TMEM131L: variants seen among roughly 807,000 people sequenced by gnomAD.
TMEM131L encodes transmembrane 131 like.
In TMEM131L, 54 loss-of-function variants were observed where a neutral mutation model predicts 192.2. The observed-to-expected ratio is 0.28, with a 90% confidence interval of 0.23 to 0.35. The LOEUF is 0.35. TMEM131L is among the 10% of genes least tolerant of loss of function. TMEM131L has a pLI of 1.00. For synonymous variants in TMEM131L, 701 were observed against 704.9 expected (o/e 0.99, Z 0.09); for missense variants, 1,888 against 1,972.9 (o/e 0.96, Z 0.82).
At chr4:153,466,542 C>T (rs1730757064) in intron 1 of TMEM131L, 21 bp downstream of exon 1, 3 of 1,307,542 alleles carry the variant, frequency 2.3e-6, no homozygotes, top group African/African-American at 1.5e-5. Context: ...CGCCGCTGGG[C>T]TCGCTCTGCC....
chr4:153,581,061 G>T (rs905874927), intron 8 of TMEM131L, among the ~76,000 whole-genome samples, 158 bp downstream of exon 8: 3 of 152,164 alleles, frequency 2.0e-5, no homozygotes, highest in African/African-American at 4.8e-5. Flanking sequence ...AGACCATCCT[G>T]GCTAACACGG....
intron 2 of TMEM131L, 117 bp from the exon 3 acceptor site, chr4:153,473,728 G>T: frequency 1.4e-6 from 1 of 718,040 alleles, no homozygotes; most frequent in East Asian, 3.3e-5. Flanking sequence ...GGAGGCGGAG[G>T]TTGCAGTGAG....
rs1200432395 is a variant in TMEM131L at position 153,612,290 on chromosome 4, C to A, written c.3457C>A (p.His1153Asn). The A allele has an allele frequency of 6.3e-7, 1 of 1,588,252 alleles. No homozygotes were observed. The highest frequency in any genetic ancestry group is 8.5e-7 in the Non-Finnish European group (1 of 1,171,324). Residue 1153 changes from histidine (H) to asparagine (N), a missense_variant, in exon 26 of 35, where the codon CAT becomes AAT. By Grantham distance (68) the His-to-Asn change is moderately conservative. Transcript: ENST00000409959. ...AGTACCTGTCAAGAATGAAGTAGAT[C>A]ATTGTGAAAATTTGAAGAAGGTGGA... The part of the protein sequence containing the change: ...QQVPVKNEVD[H>N]CENLKKVDTK...
intron 20 of TMEM131L, 23 bp downstream of exon 20, chr4:153,596,408 A>T (rs1731444310): frequency 6.2e-7 from 1 of 1,611,306 alleles, no homozygotes; most frequent in Non-Finnish European, 8.5e-7. Flanking sequence ...CTGTTGTAGA[A>T]TCTGTTTCTT....
At position 153,622,783 on chromosome 4, in the gene TMEM131L, G is replaced by C. The variant is rs1445362346; in HGVS notation, c.3860-115G>C. 9 of 936,674 alleles carry C rather than the reference G, an allele frequency of 9.6e-6. No homozygotes were observed. In the Admixed American group the frequency reaches 1.7e-4, roughly 18 times the overall value. The allele number at this position is 936,674 out of a possible 1,614,324, so 58.0% of individuals were successfully genotyped here. Reference sequence around the variant, plus strand: ...CTCCTCCTTTCTTGCTAGATGAGCAGAGGTAGCTGAAGGTGAACCTGGCCC... The same window carrying C: ...CTCCTCCTTTCTTGCTAGATGAGCACAGGTAGCTGAAGGTGAACCTGGCCC... On this transcript the variant is annotated intron_variant, in intron 28 of 34. Transcript: ENST00000409959.
chr4:153,528,136 T>A (rs1025100510), intron 3 of TMEM131L, among the ~76,000 whole-genome samples: 4 of 152,214 alleles, frequency 2.6e-5, no homozygotes, highest in African/African-American at 7.2e-5. Context: ...TTTGAAAGCC[T>A]CAGTTTACTT....
chr4:153,490,776 A>G (rs1732716797), intron 3 of TMEM131L, among the ~76,000 whole-genome samples: 2 of 152,046 alleles, frequency 1.3e-5, no homozygotes, highest in African/African-American at 4.8e-5. Flanking sequence ...TAACATGGTG[A>G]AACCCCATCT....
rs1347265944 is a variant in TMEM131L at position 153,508,667 on chromosome 4, G to GT, written c.239+34788dup. 7.7e-4 allele frequency among the ~76,000 whole-genome samples: 113 copies of GT among 147,040 alleles called. 1 individual carries two copies. The highest frequency in any genetic ancestry group is 1.6e-3 in the African/African-American group (64 of 40,044). On this transcript the variant is annotated intron_variant, in intron 3 of 34. Transcript: ENST00000409959. ...CTTGAATTGAGAGATGTGATTTAAT[G>GT]TTTTTTTTTAATTTTTTTTTTTTTT...
chr4:153,502,578 A>G (rs780692001), intron 3 of TMEM131L, among the ~76,000 whole-genome samples: 1 of 152,242 alleles, frequency 6.6e-6, no homozygotes, highest in South Asian at 2.1e-4. Context: ...AAGCTTTTCA[A>G]ATGGCTGAAT....
chr4:153,592,435 G>A (rs778982205), intron 17 of TMEM131L, 40 bp from the exon 18 acceptor site: 32 of 1,344,742 alleles, frequency 2.4e-5, no homozygotes, highest in Non-Finnish European at 3.2e-5. Flanking sequence ...GGGATGCTGT[G>A]TCCCTCTCGG....
In TMEM131L at chr4:153,626,424, G is replaced by A. The variant is rs544989227; in HGVS notation, c.4124+199G>A. Among the ~76,000 whole-genome samples, 8 of 152,256 alleles carry A rather than the reference G, an allele frequency of 5.3e-5. No homozygotes were observed. In the South Asian group the frequency reaches 1.2e-3, roughly 24 times the overall value. On this transcript the variant is annotated intron_variant, in intron 30 of 34. Transcript: ENST00000409959. ...TTCATGTGGGAGAGGCTCAGGTATC[G>A]CTATTTTTTTTCAGACAGGTAGCCA...
At chr4:153,633,320 G>A (rs11726242) in intron 32 of TMEM131L, 75,216 of 152,486 alleles carry the variant, frequency 0.49, 20,795 homozygotes, top group Non-Finnish European at 0.59. Flanking sequence ...GGGTTCAAGC[G>A]GTTCTCCTGC....
chr4:153,549,023 G>C (rs986181910), intron 3 of TMEM131L, among the ~76,000 whole-genome samples: 1 of 152,146 alleles, frequency 6.6e-6, no homozygotes, highest in African/African-American at 2.4e-5. Context: ...GGAGTGCAGT[G>C]ATGCTATCAT....
At chr4:153,479,832 T>C (rs1003166839) in intron 3 of TMEM131L, among the ~76,000 whole-genome samples, 1 of 152,216 alleles carries the variant, frequency 6.6e-6, no homozygotes, top group Non-Finnish European at 1.5e-5. Context: ...ACTTAATCTT[T>C]GGGGACACTC....
chr4:153,634,318 A>T (rs1734425557), intron 33 of TMEM131L, 38 bp downstream of exon 33: 1 of 1,502,244 alleles, frequency 6.7e-7, no homozygotes, highest in Non-Finnish European at 9.3e-7. Context: ...CCATTATTTT[A>T]TTCTTAGAAG....
chr4:153,578,863 G>A (rs912681384), intron 7 of TMEM131L, among the ~76,000 whole-genome samples: 77 of 151,034 alleles, frequency 5.1e-4, no homozygotes, highest in African/African-American at 1.8e-3. Flanking sequence ...TCACCATTTT[G>A]GCCAGGCTAG....
At chr4:153,471,136 C>A (rs574905323) in intron 2 of TMEM131L, among the ~76,000 whole-genome samples, 1 of 152,008 alleles carries the variant, frequency 6.6e-6, no homozygotes. Context: ...TACAGGCATG[C>A]GCCACCATGC....
At chr4:153,602,812 G>A (rs1208698559) in intron 23 of TMEM131L, 85 bp downstream of exon 23, 3 of 1,164,622 alleles carry the variant, frequency 2.6e-6, no homozygotes, top group Non-Finnish European at 3.7e-6. Flanking sequence ...CTGCCCGAGT[G>A]TAGTCAAAGT....
chr4:153,473,823 A>T (rs959278537), intron 2 of TMEM131L, 22 bp from the exon 3 acceptor site: 2 of 1,535,934 alleles, frequency 1.3e-6, no homozygotes, highest in African/African-American at 2.8e-5. Flanking sequence ...AACAACGGTT[A>T]ACACATGTTC....
Sources: allele counts gnomAD v4.1 joint callset (sites outside exome capture counted in the v4.1 genomes callset), GRCh38; gene constraint gnomAD v4.1.1; transcripts MANE v1.5; gene names NCBI Gene and HGNC (gene_info 2026-07-23, HGNC 2026-07-21).